Variants in OTOP1 observed in about 807,000 individuals in gnomAD.
The protein encoded by OTOP1 is otopetrin 1.
In OTOP1, 59 loss-of-function variants were observed where a neutral mutation model predicts 52.9. The ratio of observed to expected loss-of-function variants is 1.12; its 90% CI spans 0.91 to 1.39. OTOP1 has a LOEUF of 1.39. Ranked by LOEUF, OTOP1 falls within the 40% of genes most tolerant of loss-of-function variation. The probability of loss-of-function intolerance (pLI) is 0.00; values close to 1 mark genes in which losing one functional copy is unlikely to be tolerated. For synonymous variants in OTOP1, 317 were observed against 337.7 expected, an observed-to-expected ratio of 0.94 and a Z score of 0.67; for missense variants, 761 against 800.9, an observed-to-expected ratio of 0.95 and a Z score of 0.60.
chr4:4,192,613 T>C (rs1716536798), intron 5 of OTOP1, among the ~76,000 whole-genome samples: 1 of 152,116 alleles, frequency 6.6e-6, no homozygotes, highest in Admixed American at 6.5e-5. Context: ...CACACTGACC[T>C]CCACCCACTG....
chr4:4,208,591 G>A (rs528477894), intron 2 of OTOP1, among the ~76,000 whole-genome samples: 1 of 152,252 alleles, frequency 6.6e-6, no homozygotes. Flanking sequence ...CATAAAGACA[G>A]AAAGTAGAAC....
At chr4:4,216,453 G>A (rs1257819066) in intron 1 of OTOP1, among the ~76,000 whole-genome samples, 3 of 152,108 alleles carry the variant, frequency 2.0e-5, no homozygotes, top group East Asian at 3.9e-4. Flanking sequence ...CGTGTATGAC[G>A]TGCATTAAGG....
Position 4,197,652 on chromosome 4 carries a change from C to A in OTOP1, c.1182G>T (p.Leu394Phe). Residue 394 changes from leucine to phenylalanine, a missense_variant, in exon 5 of 6, where the codon TTG becomes TTT. Transcript: ENST00000296358. ...NPARKLDSDL[L>F]VGTASGSWLI... ...GCCAGGAGCCCGAGGCAGTGCCCAC[C>A]AAGAGGTCCGAGTCCAGTTTGCGGG... 1 of 1,613,744 alleles carries A rather than the reference C, an allele frequency of 6.2e-7. No homozygotes were observed. Among genetic ancestry groups the A allele is most frequent in the Non-Finnish European group, 8.5e-7 (1 of 1,179,978 alleles).
intron 1 of OTOP1, among the ~76,000 whole-genome samples, chr4:4,225,767 C>A (rs1209138116): frequency 6.6e-6 from 1 of 152,042 alleles, no homozygotes; most frequent in Non-Finnish European, 1.5e-5. Flanking sequence ...GCTCTAGGAC[C>A]GAGAGACAGG....
chr4:4,191,196 C>T (rs1195068479), intron 5 of OTOP1, among the ~76,000 whole-genome samples: 1 of 152,120 alleles, frequency 6.6e-6, no homozygotes, highest in African/African-American at 2.4e-5. Flanking sequence ...AGTCCATCAG[C>T]GCATCTCCAC....
rs569123872 is a variant in OTOP1, at chr4:4,189,409, T to C, written c.1669-436A>G. Among the ~76,000 whole-genome samples the C allele has an allele frequency of 9.2e-5, 14 of 152,364 alleles. No individual in the cohort carries two copies. The South Asian group carries it at 2.9e-3, about 32-fold the overall frequency. Reference sequence around the variant, plus strand: ...ACTGTTCCCTGCTTCTCAGACTCTTTTGTGTCCCAGTTCTCTCCCCCTGTG... The same window carrying C: ...ACTGTTCCCTGCTTCTCAGACTCTTCTGTGTCCCAGTTCTCTCCCCCTGTG... On this transcript the variant is annotated intron_variant, in intron 5 of 5. Transcript: ENST00000296358.
At chr4:4,198,560 A>T (rs9995233) in intron 4 of OTOP1, among the ~76,000 whole-genome samples, 2 of 152,088 alleles carry the variant, frequency 1.3e-5, no homozygotes, top group African/African-American at 4.8e-5. Context: ...GATGATTTAC[A>T]TGTGTGATTT....
chr4:4,209,790 G>A (rs1716985419), intron 2 of OTOP1, among the ~76,000 whole-genome samples: 1 of 152,102 alleles, frequency 6.6e-6, no homozygotes. Flanking sequence ...CATGCAATCT[G>A]ACCAGAGTGC....
chr4:4,196,501 G>T (rs867677570), intron 5 of OTOP1, among the ~76,000 whole-genome samples: 1 of 152,352 alleles, frequency 6.6e-6, no homozygotes, highest in Middle Eastern at 3.4e-3. Flanking sequence ...AGGTTGCAGT[G>T]AGCCAAGATC....
chr4:4,201,741 A>G (rs2108799109), intron 4 of OTOP1, among the ~76,000 whole-genome samples: 1 of 152,316 alleles, frequency 6.6e-6, no homozygotes, highest in South Asian at 2.1e-4. Flanking sequence ...CTCACTTTAC[A>G]AATGAGAAAA....
rs1717259618 is a variant in OTOP1 at position 4,220,044 on chromosome 4, TATATAC to T, written c.403+6412_403+6417del. ...ATGTATATACGTATATATGTATACA[TATATAC>T]ATATACGTGTATATACATATATATG... On this transcript the variant is annotated intron_variant, in intron 1 of 5. Coordinates refer to ENST00000296358, the MANE Select transcript of OTOP1 (RefSeq NM_177998.3). Among the ~76,000 whole-genome samples, 4 of 59,978 alleles carry T rather than the reference TATATAC, an allele frequency of 6.7e-5. No individual in the cohort carries two copies. The East Asian group carries it at 1.3e-3, about 19-fold the overall frequency. The allele number at this position is 59,978 out of a possible 152,430, so 39.3% of individuals were successfully genotyped here. A position where few individuals can be genotyped will look rare whatever the true frequency, so the allele number is the denominator to read the frequency against.
chr4:4,222,893 G>A (rs1044176735), intron 1 of OTOP1, among the ~76,000 whole-genome samples: 2 of 152,154 alleles, frequency 1.3e-5, no homozygotes, highest in Non-Finnish European at 2.9e-5. Context: ...CTTCTTTGAG[G>A]AACCCACAGG....
At chr4:4,220,199 T>C (rs1406953991) in intron 1 of OTOP1, among the ~76,000 whole-genome samples, 3 of 149,050 alleles carry the variant, frequency 2.0e-5, no homozygotes, top group African/African-American at 7.4e-5. Flanking sequence ...ACCTTCCAGA[T>C]TCAAGGGATT....
chr4:4,216,819 T>C (rs1157924514), intron 1 of OTOP1, among the ~76,000 whole-genome samples: 2 of 152,210 alleles, frequency 1.3e-5, no homozygotes, highest in Non-Finnish European at 2.9e-5. Flanking sequence ...CATGAGTCAC[T>C]TCCTGCTCCC....
chr4:4,203,255 G>A (rs1204640474), intron 3 of OTOP1, among the ~76,000 whole-genome samples: 1 of 152,240 alleles, frequency 6.6e-6, no homozygotes, highest in African/African-American at 2.4e-5. Context: ...CATGAAGGCT[G>A]GAGTTGTGGT....
intron 5 of OTOP1, among the ~76,000 whole-genome samples, chr4:4,196,010 T>C (rs1308720958): frequency 6.6e-6 from 1 of 152,226 alleles, no homozygotes; most frequent in African/African-American, 2.4e-5. Flanking sequence ...AGGTCTATTT[T>C]CCAGCCTTAT....
chr4:4,223,409 A>AGATGGATGGATGGATGGATG (rs35580858), intron 1 of OTOP1, among the ~76,000 whole-genome samples: 1 of 149,002 alleles, frequency 6.7e-6, no homozygotes, highest in African/African-American at 2.5e-5. Flanking sequence ...ATGGACGGAC[A>AGATGGATGGATGGATGGATG]GATGGATGGA....
intron 5 of OTOP1, among the ~76,000 whole-genome samples, chr4:4,191,144 C>T (rs535002747): frequency 1.3e-5 from 2 of 152,254 alleles, no homozygotes; most frequent in East Asian, 3.9e-4. Flanking sequence ...AGGTGTCATC[C>T]TTATCTCCCT....
chr4:4,201,111 T>G (rs952393853), intron 4 of OTOP1, among the ~76,000 whole-genome samples: 10 of 152,206 alleles, frequency 6.6e-5, no homozygotes, highest in African/African-American at 2.4e-4. Flanking sequence ...GCTTGATGGC[T>G]TCATCCATAT....
Sources: allele counts gnomAD v4.1 joint callset (sites outside exome capture counted in the v4.1 genomes callset), GRCh38; gene constraint gnomAD v4.1.1; transcripts MANE v1.5; gene names NCBI Gene and HGNC (gene_info 2026-07-23, HGNC 2026-07-21).